The following SOX13 variants were observed in gnomAD, a reference collection of about 807,000 sequenced individuals.
SOX13 encodes SRY-box transcription factor 13, also known as transcription factor SOX-13.
A neutral mutation model predicts 71.8 loss-of-function variants in SOX13; 28 were observed. The observed-to-expected ratio is 0.39, with a 90% CI of 0.29 to 0.53. The LOEUF (loss-of-function observed/expected upper bound fraction) is 0.53. Among genes scored for constraint, SOX13 ranks in the 20% least tolerant of loss-of-function variants. SOX13 has a pLI of 0.70. For synonymous variants in SOX13, 309 were observed against 317.8 expected (o/e 0.97, Z 0.29); for missense variants, 627 against 810.3 (o/e 0.77, Z 2.75).
intron 1 of SOX13, among the ~76,000 whole-genome samples, chr1:204,093,670 C>T (rs1284455261): frequency 6.6e-6 from 1 of 152,216 alleles, no homozygotes; most frequent in African/African-American, 2.4e-5. Context: ...GTAGCCTCTT[C>T]TCAAATATCT....
intron 1 of SOX13, among the ~76,000 whole-genome samples, chr1:204,099,424 CTTTTTTTTTT>C (rs200311750): frequency 0.083 from 7,727 of 93,630 alleles, 327 homozygotes; most frequent in African/African-American, 0.13. Flanking sequence ...CTTTTTCTGG[CTTTTTTTTTT>C]TTTTTTTTTT....
chr1:204,113,457 A>C (rs545816502), intron 2 of SOX13, among the ~76,000 whole-genome samples: 3 of 152,230 alleles, frequency 2.0e-5, no homozygotes, highest in Non-Finnish European at 4.4e-5. Context: ...TTGGCTTTAA[A>C]GTAATCTACC....
intron 7 of SOX13, 154 bp downstream of exon 7, chr1:204,117,861 G>C: frequency 1.7e-6 from 1 of 604,490 alleles, no homozygotes. Context: ...CTCTTTTTCT[G>C]AATCTTGCTG....
At chr1:204,092,942 T>C (rs1279007704) in intron 1 of SOX13, among the ~76,000 whole-genome samples, 1 of 152,148 alleles carries the variant, frequency 6.6e-6, no homozygotes, top group African/African-American at 2.4e-5. Flanking sequence ...TGCTCTCACT[T>C]GAGAAGAGAG....
At chr1:204,094,687 C>A (rs1300774711) in intron 1 of SOX13, among the ~76,000 whole-genome samples, 1 of 152,210 alleles carries the variant, frequency 6.6e-6, no homozygotes, top group African/African-American at 2.4e-5. Context: ...GCCATCAGCT[C>A]TTCCTGCACT....
chr1:204,079,310 G>A (rs1414562875), intron 1 of SOX13, among the ~76,000 whole-genome samples: 1 of 145,842 alleles, frequency 6.9e-6, no homozygotes, highest in African/African-American at 2.5e-5. Context: ...AAAGATTTCT[G>A]TCCAGCCTGT....
intron 1 of SOX13, among the ~76,000 whole-genome samples, chr1:204,099,776 A>G (rs749009328): frequency 6.6e-6 from 1 of 152,172 alleles, no homozygotes; most frequent in Non-Finnish European, 1.5e-5. Flanking sequence ...GATGATTATT[A>G]TGAAGATTAA....
chr1:204,093,000 T>C (rs904015800), intron 1 of SOX13, among the ~76,000 whole-genome samples: 1 of 152,188 alleles, frequency 6.6e-6, no homozygotes, highest in African/African-American at 2.4e-5. Context: ...TGCGTGGGAA[T>C]CTTATCCAGG....
rs1386126870 is a variant in SOX13, at chr1:204,116,684, G to A, written c.591+5G>A. The A allele has an allele frequency of 6.2e-7, 1 of 1,612,952 alleles. No individual in the cohort carries two copies. The highest frequency in any genetic ancestry group is 8.5e-7 in the Non-Finnish European group (1 of 1,179,712). ...GCCCGGCAGCAGCAGGAGCAGGTAG[G>A]TCCTGTTCGGTGGGTGTAGCTTTCT... On this transcript the variant is annotated splice_donor_5th_base_variant and intron_variant, in intron 5 of 13. Coordinates refer to ENST00000367204, the MANE Select transcript of SOX13 (RefSeq NM_005686.3).
rs930876835 is a variant in SOX13, at chr1:204,126,297, G to A, written c.*163G>A. 1.2e-5 allele frequency: 9 copies of A among 767,144 alleles called. No individual in the cohort carries two copies. The highest frequency in any genetic ancestry group is 8.7e-5 in the African/African-American group (5 of 57,400). 47.5% of individuals were successfully genotyped at this position (767,144 alleles called of 1,614,324 possible). A position where few individuals can be genotyped will look rare whatever the true frequency, so the allele number is the denominator to read the frequency against. ...CAGATACATTCATGAGGGGAGAGGCGCCCTCCCTTCCTGAGGAGCTGTTGG... is the reference window on the plus strand; with the variant it reads ...CAGATACATTCATGAGGGGAGAGGCACCCTCCCTTCCTGAGGAGCTGTTGG... On this transcript the variant is annotated 3_prime_UTR_variant, in exon 14 of 14. Transcript: ENST00000367204.
intron 13 of SOX13, among the ~76,000 whole-genome samples, chr1:204,125,519 T>A (rs867118187): frequency 6.6e-6 from 1 of 152,226 alleles, no homozygotes; most frequent in Admixed American, 6.5e-5. Flanking sequence ...GCTGTGATTG[T>A]ACCACTGTTC....
At position 204,126,119 on chromosome 1, in the gene SOX13, G is replaced by A; in HGVS notation, c.1854G>A (p.Val618=). ...AAGAGAAGAGCGATGGGGAGTTGGT[G>A]GTGCTCACAGACTGATCCCGGCTGG... ...EGEEKSDGEL[V]VLTD is the part of the protein sequence containing the mutation. Residue 618 remains valine, a synonymous_variant, in exon 14 of 14, where the codon GTG becomes GTA. Coordinates refer to ENST00000367204, the MANE Select transcript of SOX13 (RefSeq NM_005686.3). The A allele has an allele frequency of 6.2e-7, 1 of 1,613,856 alleles. No individual in the cohort carries two copies. Among genetic ancestry groups the A allele is most frequent in the Non-Finnish European group, 8.5e-7 (1 of 1,179,792 alleles).
At chr1:204,092,280 G>A (rs1322682483) in intron 1 of SOX13, among the ~76,000 whole-genome samples, 1 of 152,068 alleles carries the variant, frequency 6.6e-6, no homozygotes, top group East Asian at 1.9e-4. Flanking sequence ...AAGCACGCTG[G>A]ATTATAGGTG....
intron 1 of SOX13, among the ~76,000 whole-genome samples, chr1:204,092,326 T>C (rs1656164583): frequency 6.6e-6 from 1 of 150,744 alleles, no homozygotes; most frequent in East Asian, 1.9e-4. Context: ...CTTTTTTTTC[T>C]TTTTTTTTGA....
chr1:204,078,858 TCTGATAAAGAGTGA>T (rs1404229419), intron 1 of SOX13, among the ~76,000 whole-genome samples: 15 of 152,332 alleles, frequency 9.8e-5, no homozygotes, highest in African/African-American at 2.9e-4. Flanking sequence ...TGTCAGCTTC[TCTGATAAAGAGTGA>T]CTGCTTTTTA....
At chr1:204,101,047 G>T (rs539101362) in intron 1 of SOX13, among the ~76,000 whole-genome samples, 1 of 152,316 alleles carries the variant, frequency 6.6e-6, no homozygotes, top group Admixed American at 6.5e-5. Context: ...GGAGTGTTAG[G>T]GAGACAATCC....
At chr1:204,097,068 G>T (rs1489509960) in intron 1 of SOX13, among the ~76,000 whole-genome samples, 18 of 152,250 alleles carry the variant, frequency 1.2e-4, no homozygotes, top group Non-Finnish European at 2.9e-5. Flanking sequence ...TTTGTCTCCA[G>T]TCCATCAAGA....
Position 204,085,682 on chromosome 1 carries a change from A to G in SOX13, c.-2+11971A>G, listed in dbSNP as rs567013471. On this transcript the variant is annotated intron_variant, in intron 1 of 13. Transcript: ENST00000367204. Reference sequence around the variant, plus strand: ...AAAAGCAGAAAGTGCATATTTAAAAAAAAAAAAAAGATCCAGGCCTGGTGG... The same window carrying G: ...AAAAGCAGAAAGTGCATATTTAAAAGAAAAAAAAAGATCCAGGCCTGGTGG... Among the ~76,000 whole-genome samples, 5 of 152,164 alleles carry G rather than the reference A, an allele frequency of 3.3e-5. No individual in the cohort carries two copies. In the South Asian group the frequency reaches 6.2e-4, roughly 19 times the overall value.
At chr1:204,087,579 G>A (rs1656052080) in intron 1 of SOX13, among the ~76,000 whole-genome samples, 1 of 152,218 alleles carries the variant, frequency 6.6e-6, no homozygotes. Context: ...ACTGCTAATG[G>A]CTTGTATGCC....
Sources: gnomAD v4.1 joint callset for allele counts (sites outside exome capture counted in the v4.1 genomes callset) on GRCh38, gnomAD v4.1.1 for gene constraint, MANE v1.5 for transcripts, NCBI Gene and HGNC (gene_info 2026-07-23, HGNC 2026-07-21) for gene names.